SHANK2: variants seen among roughly 807,000 people sequenced by gnomAD.
The protein encoded by SHANK2 is SH3 and multiple ankyrin repeat domains 2.
A neutral mutation model predicts 133.7 loss-of-function variants in SHANK2; 43 were observed. The ratio of observed to expected loss-of-function variants is 0.32; its 90% CI spans 0.25 to 0.41. The LOEUF is 0.41. Ranked by LOEUF, SHANK2 falls within the 10% of genes least tolerant of loss-of-function variation. SHANK2 has a pLI of 1.00. For synonymous variants in SHANK2, 1,017 were observed against 952.8 expected (o/e 1.07, Z -1.24); for missense variants, 1,994 against 2,235.8 (o/e 0.89, Z 2.18).
chr11:70,709,703 G>A (rs185583384), intron 14 of SHANK2, among the ~76,000 whole-genome samples: 12 of 152,328 alleles, frequency 7.9e-5, no homozygotes, highest in Non-Finnish European at 1.0e-4. Flanking sequence ...GGCCGATGGA[G>A]CGTGTGGCCG....
intron 11 of SHANK2, among the ~76,000 whole-genome samples, chr11:70,825,160 C>T (rs1470436278): frequency 2.6e-5 from 4 of 152,060 alleles, no homozygotes; most frequent in Non-Finnish European, 5.9e-5. Context: ...GCATACTCTT[C>T]ATAGCAAGTG....
chr11:71,194,200 A>G (rs1324006202), intron 2 of SHANK2, among the ~76,000 whole-genome samples: 2 of 152,100 alleles, frequency 1.3e-5, no homozygotes, highest in African/African-American at 4.8e-5. Context: ...GTTCAAAGTG[A>G]CCTGAGGCCA....
chr11:70,501,966 T>C (rs1461083956), intron 19 of SHANK2, 35 bp from the exon 20 acceptor site: 3 of 1,552,820 alleles, frequency 1.9e-6, no homozygotes. Flanking sequence ...AACAAAACAA[T>C]GTTAGATAAA....
intron 11 of SHANK2, among the ~76,000 whole-genome samples, chr11:70,885,469 C>T (rs995698405): frequency 6.6e-5 from 10 of 152,236 alleles, no homozygotes; most frequent in African/African-American, 1.4e-4. Context: ...GGAGTCAGTG[C>T]GGCCAGGGAC....
At chr11:70,792,079 C>A (rs1396502646) in intron 14 of SHANK2, among the ~76,000 whole-genome samples, 3 of 152,124 alleles carry the variant, frequency 2.0e-5, no homozygotes, top group African/African-American at 7.2e-5. Context: ...ATCCATCCAA[C>A]CAACAAACCA....
In SHANK2 at chr11:70,601,015, A is replaced by ATATATCTATATCTATATC. The variant is rs56326812; in HGVS notation, c.2061+58795_2061+58812dup. ...GACAAGCTAAAGATTAGTAAAGAGA[A>ATATATCTATATCTATATC]TATATCTATATCTATATCTATATCT... On this transcript the variant is annotated intron_variant, in intron 17 of 25. Transcript: ENST00000601538. Among the ~76,000 whole-genome samples the ATATATCTATATCTATATC allele has an allele frequency of 9.6e-3, 1,238 of 128,364 alleles. 17 individuals carry two copies. Among genetic ancestry groups the ATATATCTATATCTATATC allele is most frequent in the African/African-American group, 0.019 (663 of 35,752 alleles). 84.2% of individuals were successfully genotyped at this position (128,364 alleles called of 152,430 possible). A position where few individuals can be genotyped will look rare whatever the true frequency, so the allele number is the denominator to read the frequency against.
chr11:71,059,258 T>C (rs1434174992), intron 9 of SHANK2, among the ~76,000 whole-genome samples: 1 of 152,014 alleles, frequency 6.6e-6, no homozygotes, highest in Non-Finnish European at 1.5e-5. Flanking sequence ...AATAGAGAGC[T>C]GAAAATCTAG....
In SHANK2 at chr11:70,492,478, C is replaced by A; in HGVS notation, c.2309-13G>T. On this transcript the variant is annotated splice_polypyrimidine_tract_variant and intron_variant, in intron 21 of 25. Coordinates refer to ENST00000601538, the MANE Select transcript of SHANK2 (RefSeq NM_012309.5). ...TCCTCGGGTTTATCTGCAATAGAAC[C>A]GTGAGGATTGGAGCAGCAACACCAG... 5.0e-6 allele frequency: 8 copies of A among 1,613,782 alleles called. No homozygotes were observed. The highest frequency in any genetic ancestry group is 6.8e-6 in the Non-Finnish European group (8 of 1,180,026).
chr11:70,517,786 T>A (rs1200950496), intron 17 of SHANK2, among the ~76,000 whole-genome samples: 2 of 152,182 alleles, frequency 1.3e-5, no homozygotes, highest in African/African-American at 2.4e-5. Context: ...TAATGGTAGG[T>A]ACAGGATATT....
chr11:70,831,422 ACT>A (rs1435546199), intron 11 of SHANK2, among the ~76,000 whole-genome samples: 1 of 151,958 alleles, frequency 6.6e-6, no homozygotes, highest in Non-Finnish European at 1.5e-5. Context: ...TCAGACACCA[ACT>A]CAGCTCCACT....
chr11:70,565,150 T>G (rs1421414802), intron 17 of SHANK2, among the ~76,000 whole-genome samples: 1 of 152,206 alleles, frequency 6.6e-6, no homozygotes, highest in Non-Finnish European at 1.5e-5. Context: ...TTGGGGGCGC[T>G]GGGTAGTTCT....
At chr11:70,622,591 G>A (rs1028354624) in intron 17 of SHANK2, among the ~76,000 whole-genome samples, 7 of 152,220 alleles carry the variant, frequency 4.6e-5, no homozygotes, top group African/African-American at 1.7e-4. Flanking sequence ...GGCCACCCTG[G>A]TGCCCTCCCC....
At chr11:70,909,278 G>A (rs565554473) in intron 10 of SHANK2, among the ~76,000 whole-genome samples, 1 of 152,306 alleles carries the variant, frequency 6.6e-6, no homozygotes, top group South Asian at 2.1e-4. Context: ...AAAGGCGTGA[G>A]CCCACAGGGC....
intron 2 of SHANK2, among the ~76,000 whole-genome samples, chr11:71,163,097 CATATATATATATAT>C (rs11271716): frequency 1.0e-5 from 1 of 100,114 alleles, no homozygotes; most frequent in Non-Finnish European, 2.0e-5. Context: ...AAAAAAAATA[CATATATATATATAT>C]ACAGAATAGA....
intron 3 of SHANK2, among the ~76,000 whole-genome samples, chr11:71,120,516 C>T (rs1444924916): frequency 6.6e-6 from 1 of 152,102 alleles, no homozygotes; most frequent in African/African-American, 2.4e-5. Flanking sequence ...AACAGGAGGT[C>T]GGGTTCAGTG....
At chr11:71,118,729 A>C (rs1404903829) in intron 4 of SHANK2, 100 bp downstream of exon 4, 2 of 1,017,358 alleles carry the variant, frequency 2.0e-6, no homozygotes, top group South Asian at 3.8e-5. Flanking sequence ...TTCCCAATGC[A>C]AATGGAATTG....
chr11:70,788,591 G>C (rs113678043), intron 14 of SHANK2, among the ~76,000 whole-genome samples: 5 of 152,090 alleles, frequency 3.3e-5, no homozygotes, highest in Admixed American at 2.6e-4. Flanking sequence ...AGGGTTCAGC[G>C]CTGTCCCCCA....
chr11:70,590,564 C>A (rs749815696), intron 17 of SHANK2, among the ~76,000 whole-genome samples: 2 of 152,202 alleles, frequency 1.3e-5, no homozygotes, highest in Non-Finnish European at 2.9e-5. Flanking sequence ...CGGCAACCAC[C>A]GCTCTCATCA....
intron 17 of SHANK2, among the ~76,000 whole-genome samples, chr11:70,592,081 A>G (rs544286428): frequency 1.1e-3 from 160 of 152,236 alleles, no homozygotes; most frequent in African/African-American, 3.7e-3. Flanking sequence ...AATAACAAGC[A>G]GAGGTGTGGA....
Sources: allele counts gnomAD v4.1 joint callset (sites outside exome capture counted in the v4.1 genomes callset), GRCh38; gene constraint gnomAD v4.1.1; transcripts MANE v1.5; gene names NCBI Gene and HGNC (gene_info 2026-07-23, HGNC 2026-07-21).